The following CATSPERD variants were observed in gnomAD, a reference collection of about 807,000 sequenced individuals.
The protein encoded by CATSPERD is catsper channel auxiliary subunit delta.
Under a neutral mutation model 98.1 loss-of-function variants are expected in CATSPERD, and 86 were observed. The observed-to-expected ratio is 0.88, with a 90% CI of 0.74 to 1.05. CATSPERD has a LOEUF of 1.05. CATSPERD is among the 50% of genes least tolerant of loss of function. The pLI, the probability that CATSPERD is intolerant of heterozygous loss-of-function variation, is 0.00. For missense variants in CATSPERD, 995 were observed against 1,005.7 expected, an observed-to-expected ratio of 0.99 and a Z score of 0.14; for synonymous variants, 394 against 390.2, an observed-to-expected ratio of 1.01 and a Z score of -0.12.
At chr19:5,724,438 GCC>G (rs1301153800) in intron 1 of CATSPERD, among the ~76,000 whole-genome samples, 3 of 151,950 alleles carry the variant, frequency 2.0e-5, no homozygotes, top group Admixed American at 2.0e-4. Context: ...AGTGGCTCAC[GCC>G]TGTAATCCCA....
At chr19:5,742,309 T>C (rs975504940) in intron 7 of CATSPERD, among the ~76,000 whole-genome samples, 1 of 47,220 alleles carries the variant, frequency 2.1e-5, no homozygotes, top group African/African-American at 7.1e-5. Flanking sequence ...TATGTGAATG[T>C]GTGTGTGGGT....
At position 5,748,168 on chromosome 19, in the gene CATSPERD, G is replaced by A. The variant is rs201202287; in HGVS notation, c.817G>A (p.Val273Ile). ...GTCCTGTTACCTCCTAGGTCAGCTC[G>A]TCGACACCGTCCGGGTGAAAAAAGG... is the stretch of plus-strand genomic sequence containing the variant. ...LLFSHNAGQL[V>I]DTVRVKKGDQ... The change falls in exon 10 of 22, where the codon GTC becomes ATC. Residue 273 changes from valine (V) to isoleucine (I), a missense_variant. Transcript: ENST00000381624. The A allele has an allele frequency of 4.0e-5, 64 of 1,613,732 alleles. 1 individual carries two copies. The South Asian group carries it at 4.3e-4, about 11-fold the overall frequency.
At chr19:5,742,195 CGTGTACATGTGTGCATGT>C (rs1568350660) in intron 7 of CATSPERD, among the ~76,000 whole-genome samples, 4 of 136,682 alleles carry the variant, frequency 2.9e-5, no homozygotes, top group Non-Finnish European at 4.7e-5. Flanking sequence ...AACGTGTGTG[CGTGTACATGTGTGCATGT>C]GTGTACATGT....
intron 4 of CATSPERD, among the ~76,000 whole-genome samples, chr19:5,732,485 T>G (rs1252716026): frequency 6.6e-6 from 1 of 150,730 alleles, no homozygotes; most frequent in Non-Finnish European, 1.5e-5. Context: ...TAGGCTGGAG[T>G]GCAGTGGCGT....
intron 19 of CATSPERD, 103 bp from the exon 20 acceptor site, chr19:5,772,685 C>T: frequency 8.3e-7 from 1 of 1,203,946 alleles, no homozygotes; most frequent in Non-Finnish European, 1.2e-6. Flanking sequence ...TCTGTCACCT[C>T]CCACCCCCCA....
intron 21 of CATSPERD, among the ~76,000 whole-genome samples, chr19:5,777,884 C>CAAACA (rs1048941710): frequency 4.7e-5 from 7 of 149,390 alleles, no homozygotes; most frequent in Admixed American, 2.0e-4. Flanking sequence ...TTTCAAAAAA[C>CAAACA]AAACAAAACA....
chr19:5,773,249 G>T (rs867760726), intron 20 of CATSPERD, among the ~76,000 whole-genome samples: 6 of 152,294 alleles, frequency 3.9e-5, no homozygotes, highest in Middle Eastern at 3.4e-3. Flanking sequence ...CTACTCAGGA[G>T]AATCACTTGA....
chr19:5,748,029 A>G (rs1198876392), intron 9 of CATSPERD, 131 bp from the exon 10 acceptor site: 1 of 669,718 alleles, frequency 1.5e-6, no homozygotes, highest in East Asian at 2.6e-5. Context: ...CTCAAAAGCT[A>G]TAAGGAACAT....
Position 5,776,215 on chromosome 19 carries a change from G to A in CATSPERD, c.1996G>A (p.Val666Ile), listed in dbSNP as rs376094632. The A allele has an allele frequency of 1.5e-5, 25 of 1,614,196 alleles. No individual in the cohort carries two copies. The African/African-American group carries it at 2.4e-4, about 15-fold the overall frequency. ...CAATGCCCCTTTGAGGTGGCCAGAC[G>A]TCCAGTATCAGATCTTGGGCGGCCG... ...NNNAPLRWPD[V>I]QYQILGGRTA... Residue 666 changes from valine (V) to isoleucine (I), a missense_variant, in exon 21 of 22, where the codon GTC (valine) becomes ATC (isoleucine). This residue lies in a region of CATSPERD where 762 missense variants were observed against 773.7 expected (regional missense o/e 0.98). Coordinates refer to ENST00000381624, the MANE Select transcript of CATSPERD (RefSeq NM_152784.4).
intron 17 of CATSPERD, 88 bp from the exon 18 acceptor site, chr19:5,768,079 AC>A (rs2056576770): frequency 8.1e-7 from 1 of 1,227,726 alleles, no homozygotes; most frequent in Admixed American, 1.8e-5. Context: ...CTGAGCCACC[AC>A]GCCCAGCCCC....
intron 20 of CATSPERD, among the ~76,000 whole-genome samples, 185 bp downstream of exon 20, chr19:5,773,150 G>A (rs761000294): frequency 7.9e-5 from 12 of 152,116 alleles, no homozygotes; most frequent in Admixed American, 1.3e-4. Context: ...TCAGGAGTTT[G>A]AGACCAGCCT....
At chr19:5,750,158 A>G (rs2056177126) in intron 11 of CATSPERD, among the ~76,000 whole-genome samples, 1 of 148,948 alleles carries the variant, frequency 6.7e-6, no homozygotes, top group Non-Finnish European at 1.5e-5. Context: ...AAAATAAAAG[A>G]ATTATTTTGG....
rs755703879 is a variant in CATSPERD, at chr19:5,768,255, C to A, written c.1634+13C>A. The A allele has an allele frequency of 4.9e-5, 79 of 1,608,508 alleles. No individual in the cohort carries two copies. Among genetic ancestry groups the A allele is most frequent in the Non-Finnish European group, 6.7e-5 (79 of 1,176,288 alleles). On this transcript the variant is annotated intron_variant, in intron 18 of 21. Transcript: ENST00000381624. Reference sequence around the variant, plus strand: ...TCATCATCGAGAAGTAAGCCAGCGTCCCCCCGCAACACCTGACACCCAAGG... The same window carrying A: ...TCATCATCGAGAAGTAAGCCAGCGTACCCCCGCAACACCTGACACCCAAGG...
intron 7 of CATSPERD, among the ~76,000 whole-genome samples, chr19:5,743,717 T>C (rs1166997399): frequency 6.8e-6 from 1 of 147,780 alleles, no homozygotes. Context: ...TGTCTCTGTC[T>C]CTGTCTCTGT....
chr19:5,750,734 C>CA (rs890922314), intron 11 of CATSPERD, among the ~76,000 whole-genome samples: 14 of 150,872 alleles, frequency 9.3e-5, no homozygotes, highest in South Asian at 4.2e-4. Context: ...GGCTCCATCT[C>CA]AAAAAAAGAA....
intron 3 of CATSPERD, among the ~76,000 whole-genome samples, chr19:5,727,699 G>A (rs1568339678): frequency 6.6e-6 from 1 of 152,164 alleles, no homozygotes. Flanking sequence ...GCAACCAGAT[G>A]TGTATGGGCT....
chr19:5,721,045 C>G (rs1324229541), intron 1 of CATSPERD, among the ~76,000 whole-genome samples: 1 of 150,184 alleles, frequency 6.7e-6, no homozygotes, highest in Non-Finnish European at 1.5e-5. Flanking sequence ...GTCGCCCAGG[C>G]TGCAGTGCAG....
At chr19:5,724,013 G>A (rs567423386) in intron 1 of CATSPERD, among the ~76,000 whole-genome samples, 112 of 151,738 alleles carry the variant, frequency 7.4e-4, no homozygotes, top group Non-Finnish European at 1.3e-3. Flanking sequence ...GGCTGGTCTC[G>A]AAGTCCCAAC....
chr19:5,725,305 C>A (rs1439655775), intron 2 of CATSPERD, among the ~76,000 whole-genome samples: 2 of 152,070 alleles, frequency 1.3e-5, no homozygotes, highest in Non-Finnish European at 1.5e-5. Context: ...GTGTGTGCCA[C>A]CATGCGCAGC....
Sources: gnomAD v4.1 joint callset for allele counts (sites outside exome capture counted in the v4.1 genomes callset) on GRCh38, gnomAD v4.1.1 for gene constraint, gnomAD v4.1.1 regional missense constraint, MANE v1.5 for transcripts, NCBI Gene and HGNC (gene_info 2026-07-23, HGNC 2026-07-21) for gene names.